The following L3MBTL4 variants were observed in gnomAD, a reference collection of about 807,000 sequenced individuals.
The protein encoded by L3MBTL4 is lethal(3)malignant brain tumor-like protein 4.
Under a neutral mutation model 84.5 loss-of-function variants are expected in L3MBTL4, and 70 were observed. The ratio of observed to expected loss-of-function variants is 0.83; its 90% CI spans 0.68 to 1.01. L3MBTL4 has a LOEUF of 1.01. Ranked by LOEUF, L3MBTL4 falls within the 50% of genes least tolerant of loss-of-function variation. L3MBTL4 has a pLI of 0.00. For missense variants in L3MBTL4, 715 were observed against 754.8 expected (o/e 0.95, Z 0.62); for synonymous variants, 274 against 259.8 (o/e 1.05, Z -0.52).
At chr18:5,970,920 G>A (rs929936276) in intron 16 of L3MBTL4, among the ~76,000 whole-genome samples, 1 of 152,192 alleles carries the variant, frequency 6.6e-6, no homozygotes. Context: ...CACCACTCTC[G>A]TGGATCGGAA....
At chr18:6,269,190 C>T (rs539097981) in intron 4 of L3MBTL4, among the ~76,000 whole-genome samples, 5 of 152,254 alleles carry the variant, frequency 3.3e-5, no homozygotes, top group Non-Finnish European at 5.9e-5. Context: ...TTGCCAGGCG[C>T]GGTGGCTCAC....
chr18:6,327,039 T>C (rs1011873095), intron 1 of L3MBTL4, among the ~76,000 whole-genome samples: 1 of 152,166 alleles, frequency 6.6e-6, no homozygotes, highest in Non-Finnish European at 1.5e-5. Context: ...AAACGCACTA[T>C]TACTAGAAAG....
intron 17 of L3MBTL4, among the ~76,000 whole-genome samples, chr18:5,967,942 C>T (rs1189544306): frequency 6.6e-6 from 1 of 152,244 alleles, no homozygotes; most frequent in Non-Finnish European, 1.5e-5. Flanking sequence ...AGAATTCTGC[C>T]TTCTCCACCA....
chr18:6,241,306 G>A, intron 8 of L3MBTL4, 52 bp downstream of exon 8: 3 of 1,047,438 alleles, frequency 2.9e-6, no homozygotes, highest in Non-Finnish European at 4.4e-6. Context: ...TGAATTTTAA[G>A]AAATTTAAGC....
Position 5,969,401 on chromosome 18 carries a change from C to T in L3MBTL4, c.1606G>A (p.Val536Met), listed in dbSNP as rs377084361. The T allele has an allele frequency of 6.2e-7, 1 of 1,614,000 alleles. No homozygotes were observed. The highest frequency in any genetic ancestry group is 8.5e-7 in the Non-Finnish European group (1 of 1,180,028). Residue 536 changes from valine to methionine, a missense_variant, in exon 17 of 19, where the codon GTG becomes ATG. Transcript: ENST00000317931. Reference sequence around the variant, plus strand: ...CCAGCAGCTCCACTCACCTCATCCACAGTCCAACGTGCCACTTGGCTGGCC... The same window carrying T: ...CCAGCAGCTCCACTCACCTCATCCATAGTCCAACGTGCCACTTGGCTGGCC... ...IRASQVARWTVDEVAEFVQSL... is the reference protein window; with the variant it reads ...IRASQVARWTMDEVAEFVQSL...
At position 6,158,022 on chromosome 18, in the gene L3MBTL4, A is replaced by G. The variant is rs1239027865; in HGVS notation, c.1096+13806T>C. On this transcript the variant is annotated intron_variant, in intron 13 of 18. Coordinates refer to ENST00000317931, the MANE Select transcript of L3MBTL4 (RefSeq NM_001330559.2). ...ACCAATTCCATAGCTACTACTCAAGAACTCACTCACTCCATTAAGGTGGCA... is the reference window on the plus strand; with the variant it reads ...ACCAATTCCATAGCTACTACTCAAGGACTCACTCACTCCATTAAGGTGGCA... 2.0e-5 allele frequency among the ~76,000 whole-genome samples: 3 copies of G among 152,328 alleles called. No homozygotes were observed. In the East Asian group the frequency reaches 5.8e-4, roughly 29 times the overall value.
chr18:6,147,510 G>T (rs932121084), intron 13 of L3MBTL4, among the ~76,000 whole-genome samples: 23 of 152,116 alleles, frequency 1.5e-4, no homozygotes, highest in South Asian at 4.1e-4. Flanking sequence ...ATTTTAAAAG[G>T]TTCCTAAAAA....
At position 5,954,936 on chromosome 18, in the gene L3MBTL4, AGTGAAAAAAAAATGT is replaced by A; in HGVS notation, c.*1269_*1283del. On this transcript the variant is annotated 3_prime_UTR_variant, in exon 19 of 19. Coordinates refer to ENST00000317931, the MANE Select transcript of L3MBTL4 (RefSeq NM_001330559.2). ...CTCTTAGAGTTTGTTTATTTTCTTC[AGTGAAAAAAAAATGT>A]AAAGCTTGAGAAATTCTCCAAGCAG... 6.6e-6 allele frequency: 1 copy of A among 152,278 alleles called. No individual in the cohort carries two copies. The highest frequency in any genetic ancestry group is 2.4e-5 in the African/African-American group (1 of 41,550). The allele number at this position is 152,278 out of a possible 1,614,324, so 9.4% of individuals were successfully genotyped here.
At chr18:6,182,423 A>T (rs1223783507) in intron 12 of L3MBTL4, among the ~76,000 whole-genome samples, 1 of 152,022 alleles carries the variant, frequency 6.6e-6, no homozygotes, top group Non-Finnish European at 1.5e-5. Context: ...TTGCTTGTTG[A>T]TGCGTTTCTG....
chr18:6,234,680 A>G (rs907328535), intron 10 of L3MBTL4, among the ~76,000 whole-genome samples: 13 of 152,192 alleles, frequency 8.5e-5, no homozygotes, highest in African/African-American at 3.1e-4. Context: ...AGTGCTGGAG[A>G]GGATGTGGAG....
intron 1 of L3MBTL4, among the ~76,000 whole-genome samples, chr18:6,336,045 C>T (rs1321057152): frequency 6.6e-6 from 1 of 152,040 alleles, no homozygotes. Flanking sequence ...ACAGGCCAGC[C>T]CTGTGATGTC....
intron 1 of L3MBTL4, among the ~76,000 whole-genome samples, chr18:6,349,889 G>T (rs1279866654): frequency 6.6e-6 from 1 of 152,036 alleles, no homozygotes; most frequent in Non-Finnish European, 1.5e-5. Flanking sequence ...AATGTTTCTT[G>T]ATCTGAATGC....
At chr18:6,207,769 G>A (rs1043502595) in intron 12 of L3MBTL4, among the ~76,000 whole-genome samples, 5 of 152,038 alleles carry the variant, frequency 3.3e-5, no homozygotes, top group African/African-American at 1.2e-4. Context: ...TATTTTTAAT[G>A]TTGGTATCTT....
chr18:5,987,832 G>T (rs1023090935), intron 16 of L3MBTL4, among the ~76,000 whole-genome samples: 10 of 151,806 alleles, frequency 6.6e-5, no homozygotes, highest in Non-Finnish European at 1.2e-4. Flanking sequence ...TATTTTCTCT[G>T]GCAAGAGATT....
At chr18:6,369,816 A>G (rs1275080481) in intron 1 of L3MBTL4, among the ~76,000 whole-genome samples, 1 of 152,130 alleles carries the variant, frequency 6.6e-6, no homozygotes, top group Non-Finnish European at 1.5e-5. Flanking sequence ...GTTAAAGAGG[A>G]GAAATGGTAG....
At chr18:6,178,896 C>T (rs758458816) in intron 12 of L3MBTL4, among the ~76,000 whole-genome samples, 4 of 152,154 alleles carry the variant, frequency 2.6e-5, no homozygotes, top group Non-Finnish European at 5.9e-5. Flanking sequence ...TGCCCTGAGC[C>T]CCTTAAATGT....
intron 14 of L3MBTL4, among the ~76,000 whole-genome samples, chr18:6,100,106 C>T (rs1287157759): frequency 6.6e-6 from 1 of 152,122 alleles, no homozygotes; most frequent in Non-Finnish European, 1.5e-5. Context: ...CGCTCTATAA[C>T]CTTGGGCAAG....
At chr18:6,007,327 G>GA (rs34685078) in intron 16 of L3MBTL4, among the ~76,000 whole-genome samples, 83,456 of 150,962 alleles carry the variant, frequency 0.55, 24,712 homozygotes, top group Non-Finnish European at 0.69. Flanking sequence ...TTAAACATAT[G>GA]AAAAAAATGC....
chr18:6,238,016 G>C lies in L3MBTL4; in HGVS notation c.732C>G (p.Val244=), dbSNP rs764187817. The change falls in exon 10 of 19, where the codon GTC becomes GTG. Residue 244 remains valine (V), a synonymous_variant. Transcript: ENST00000317931. ...DYWCDVNSPY[V]QPVGWCQENG... Reference sequence around the variant, plus strand: ...TCTCCTGACACCAACCAACTGGCTGGACATAAGGGCTATTAACATCGCACC... The same window carrying C: ...TCTCCTGACACCAACCAACTGGCTGCACATAAGGGCTATTAACATCGCACC... 2 of 1,614,074 alleles carry C rather than the reference G, an allele frequency of 1.2e-6. No homozygotes were observed. Among genetic ancestry groups the C allele is most frequent in the Non-Finnish European group, 1.7e-6 (2 of 1,179,994 alleles).
Sources: allele counts gnomAD v4.1 joint callset (sites outside exome capture counted in the v4.1 genomes callset), GRCh38; gene constraint gnomAD v4.1.1; transcripts MANE v1.5; gene names NCBI Gene and HGNC (gene_info 2026-07-23, HGNC 2026-07-21).